Variants in SEMA3D observed in about 807,000 individuals in gnomAD.
SEMA3D encodes semaphorin-3D.
Under a neutral mutation model 100.1 loss-of-function variants are expected in SEMA3D, and 84 were observed. The observed-to-expected ratio is 0.84, with a 90% CI of 0.70 to 1.01. The LOEUF (loss-of-function observed/expected upper bound fraction) is 1.01, where lower values mean the gene tolerates loss of function less well. Among genes scored for constraint, SEMA3D ranks in the 50% least tolerant of loss-of-function variants. SEMA3D has a pLI of 0.00. For missense variants in SEMA3D, 875 were observed against 934.1 expected, an observed-to-expected ratio of 0.94 and a Z score of 0.82; for synonymous variants, 312 against 320.7, an observed-to-expected ratio of 0.97 and a Z score of 0.29.
the SEMA3D span, among the ~76,000 whole-genome samples, chr7:85,206,210 T>C: frequency 6.6e-6 from 1 of 152,146 alleles, no homozygotes; most frequent in African/African-American, 2.4e-5. Context: ...TGGGATACAT[T>C]TGACAACATC....
rs2116453028 is a variant in SEMA3D, at chr7:85,138,001, A to G, written c.-41+15607T>C. ...GACTTACAGTCAAATTTTCTTGCAT[A>G]TGGCCTGAATTTTACATGCCTCTTA... On this transcript the variant is annotated intron_variant, in intron 2 of 18. Transcript: ENST00000284136. 2.0e-5 allele frequency among the ~76,000 whole-genome samples: 3 copies of G among 152,264 alleles called. No individual in the cohort carries two copies. The South Asian group carries it at 6.2e-4, about 32-fold the overall frequency.
At chr7:85,174,597 G>T (rs1304011343) in intron 1 of SEMA3D, among the ~76,000 whole-genome samples, 2 of 152,104 alleles carry the variant, frequency 1.3e-5, no homozygotes, top group Admixed American at 6.6e-5. Flanking sequence ...ACAACCATTT[G>T]GTTTGTATCC....
chr7:85,241,467 G>GTGTATATATATATA, the SEMA3D span, among the ~76,000 whole-genome samples: 49 of 91,920 alleles, frequency 5.3e-4, no homozygotes, highest in Admixed American at 7.5e-4. Flanking sequence ...CTGTGTGTGT[G>GTGTATATATATATA]TATATATATA....
chr7:85,146,565 A>G lies in SEMA3D; in HGVS notation c.-41+7043T>C, dbSNP rs561539005. Among the ~76,000 whole-genome samples the G allele has an allele frequency of 7.3e-5, 11 of 150,932 alleles. No homozygotes were observed. The South Asian group carries it at 2.1e-3, about 29-fold the overall frequency. On this transcript the variant is annotated intron_variant, in intron 2 of 18. Transcript: ENST00000284136. ...TGAGACTCCATCTAAAAAAAAATATATATATATATTTTTTACTTAACAATT... is the reference window on the plus strand; with the variant it reads ...TGAGACTCCATCTAAAAAAAAATATGTATATATATTTTTTACTTAACAATT...
intron 7 of SEMA3D, among the ~76,000 whole-genome samples, chr7:85,067,217 C>T (rs1163790108): frequency 1.3e-5 from 2 of 152,120 alleles, no homozygotes; most frequent in Non-Finnish European, 2.9e-5. Context: ...GGCTTTCGAA[C>T]TTCTTCCTTG....
At chr7:85,065,606 A>G (rs921288369) in intron 7 of SEMA3D, 54 bp from the exon 8 acceptor site, 22 of 1,401,738 alleles carry the variant, frequency 1.6e-5, no homozygotes, top group Non-Finnish European at 2.1e-5. Flanking sequence ...AGTAGATGCT[A>G]TTTAACATGT....
At chr7:85,161,189 T>A (rs1181106628) in intron 1 of SEMA3D, among the ~76,000 whole-genome samples, 1 of 152,150 alleles carries the variant, frequency 6.6e-6, no homozygotes, top group East Asian at 1.9e-4. Context: ...TGTTTTGTTG[T>A]TACACTAGTC....
chr7:84,999,258 A>G lies in SEMA3D; in HGVS notation c.*182T>C, dbSNP rs904463643. On this transcript the variant is annotated 3_prime_UTR_variant, in exon 19 of 19. Coordinates refer to ENST00000284136, the MANE Select transcript of SEMA3D (RefSeq NM_001384900.1). ...CTTGTGCAAGATTTGTTCTTGGAAA[A>G]CTGGTTCAAATGAATTTTTTGCCCT... 3.5e-6 allele frequency: 2 copies of G among 570,770 alleles called. No homozygotes were observed. Among genetic ancestry groups the G allele is most frequent in the Non-Finnish European group, 6.1e-6 (2 of 326,200 alleles). The allele number at this position is 570,770 out of a possible 1,614,324, so 35.4% of individuals were successfully genotyped here.
rs1231252318 is a variant in SEMA3D at position 84,999,289 on chromosome 7, A to T, written c.*151T>A. The T allele has an allele frequency of 3.0e-6, 2 of 658,516 alleles. No individual in the cohort carries two copies. The highest frequency in any genetic ancestry group is 3.0e-5 in the Admixed American group (1 of 33,404). The allele number at this position is 658,516 out of a possible 1,614,324, so 40.8% of individuals were successfully genotyped here. A position where few individuals can be genotyped will look rare whatever the true frequency, so the allele number is the denominator to read the frequency against. ...TCAAATGAATTTTTTGCCCTTTCTT[A>T]TATTCATCACATATTGTCTTATTCA... On this transcript the variant is annotated 3_prime_UTR_variant, in exon 19 of 19. Transcript: ENST00000284136.
intron 2 of SEMA3D, among the ~76,000 whole-genome samples, chr7:85,148,315 T>C (rs920645119): frequency 6.6e-6 from 1 of 152,156 alleles, no homozygotes; most frequent in Non-Finnish European, 1.5e-5. Flanking sequence ...CTATTCATCT[T>C]AATATGACTT....
rs941920801 is a variant in SEMA3D at position 85,098,528 on chromosome 7, T to C, written c.152-563A>G. Reference sequence around the variant, plus strand: ...CTACTTTTTAAAAAATACACTTTTTTTGGAGCGGTTTTAGGCTTATAGCAA... The same window carrying C: ...CTACTTTTTAAAAAATACACTTTTTCTGGAGCGGTTTTAGGCTTATAGCAA... On this transcript the variant is annotated intron_variant, in intron 3 of 18. Coordinates refer to ENST00000284136, the MANE Select transcript of SEMA3D (RefSeq NM_001384900.1). Among the ~76,000 whole-genome samples, 5 of 151,954 alleles carry C rather than the reference T, an allele frequency of 3.3e-5. 1 individual carries two copies. The highest frequency in any genetic ancestry group is 3.3e-4 in the Admixed American group (5 of 15,220).
At chr7:85,104,804 G>T in intron 3 of SEMA3D, among the ~76,000 whole-genome samples, 1 of 150,952 alleles carries the variant, frequency 6.6e-6, no homozygotes, top group East Asian at 2.0e-4. Context: ...GAAAAGAAAA[G>T]AAAAAAAATG....
intron 6 of SEMA3D, among the ~76,000 whole-genome samples, chr7:85,070,823 C>T (rs1247783101): frequency 6.6e-6 from 1 of 152,158 alleles, no homozygotes; most frequent in Non-Finnish European, 1.5e-5. Context: ...CTCTGTCGCC[C>T]AGGCTGGAGT....
the SEMA3D span, among the ~76,000 whole-genome samples, chr7:85,248,224 C>T: frequency 6.6e-6 from 1 of 152,062 alleles, no homozygotes; most frequent in South Asian, 2.1e-4. Context: ...TGTGAAAAGA[C>T]ATTGTAGGCC....
the SEMA3D span, among the ~76,000 whole-genome samples, chr7:85,230,671 C>G: frequency 1.3e-5 from 2 of 152,108 alleles, no homozygotes; most frequent in African/African-American, 4.8e-5. Flanking sequence ...TTGTTAATAT[C>G]TATACTTCTT....
the SEMA3D span, among the ~76,000 whole-genome samples, chr7:85,243,447 G>A: frequency 1.3e-5 from 2 of 152,094 alleles, no homozygotes; most frequent in Non-Finnish European, 2.9e-5. Context: ...AGACTGGTTC[G>A]TCTAGAGGTG....
intron 15 of SEMA3D, among the ~76,000 whole-genome samples, chr7:85,015,893 C>T (rs1220691741): frequency 2.6e-5 from 4 of 151,378 alleles, no homozygotes; most frequent in East Asian, 2.0e-4. Flanking sequence ...GTGGTAGTAG[C>T]GGTGGAGGGG....
the SEMA3D span, among the ~76,000 whole-genome samples, chr7:85,239,834 T>A: frequency 3.3e-5 from 5 of 152,306 alleles, no homozygotes; most frequent in Non-Finnish European, 7.4e-5. Flanking sequence ...CTCATTACTG[T>A]TATAAAGGAA....
At chr7:85,030,736 G>T (rs1165452307) in intron 12 of SEMA3D, among the ~76,000 whole-genome samples, 1 of 151,976 alleles carries the variant, frequency 6.6e-6, no homozygotes, top group African/African-American at 2.4e-5. Flanking sequence ...GAGTACATCA[G>T]TTATAAAAAA....
Sources: gnomAD v4.1 joint callset for allele counts (sites outside exome capture counted in the v4.1 genomes callset) on GRCh38, gnomAD v4.1.1 for gene constraint, MANE v1.5 for transcripts, NCBI Gene and HGNC (gene_info 2026-07-23, HGNC 2026-07-21) for gene names.